Variants in CADM2 observed in about 807,000 individuals in gnomAD.
CADM2 encodes immunoglobulin superfamily member 4D.
Under a neutral mutation model 49.8 loss-of-function variants are expected in CADM2, and 12 were observed. The ratio of observed to expected loss-of-function variants is 0.24; its 90% confidence interval spans 0.15 to 0.39. The LOEUF (loss-of-function observed/expected upper bound fraction) is 0.39. Ranked by LOEUF, CADM2 falls within the 10% of genes least tolerant of loss-of-function variation. CADM2 has a pLI of 1.00. For missense variants in CADM2, 378 were observed against 492.3 expected (o/e 0.77, Z 2.20); for synonymous variants, 214 against 175.4 (o/e 1.22, Z -1.74).
intron 1 of CADM2, among the ~76,000 whole-genome samples, chr3:85,102,418 T>C (rs1231481088): frequency 1.3e-5 from 2 of 152,170 alleles, no homozygotes; most frequent in African/African-American, 4.8e-5. Context: ...TAGAAAAAGA[T>C]TTTGATGTTT....
intron 1 of CADM2, among the ~76,000 whole-genome samples, chr3:85,526,725 A>C (rs2061166357): frequency 6.6e-6 from 1 of 152,194 alleles, no homozygotes. Flanking sequence ...CTCTACTAAA[A>C]TGGGTTAGAT....
chr3:85,466,816 A>C (rs1484965387), intron 1 of CADM2, among the ~76,000 whole-genome samples: 1 of 151,992 alleles, frequency 6.6e-6, no homozygotes. Flanking sequence ...CAGCTGATAG[A>C]AAATATTTTC....
intron 3 of CADM2, among the ~76,000 whole-genome samples, chr3:85,835,456 A>G (rs1447538778): frequency 6.6e-6 from 1 of 151,110 alleles, no homozygotes; most frequent in African/African-American, 2.4e-5. Context: ...AAGCTTTGCT[A>G]TGTACTGAGT....
chr3:84,983,979 G>A (rs186357991), intron 1 of CADM2, among the ~76,000 whole-genome samples: 50 of 151,220 alleles, frequency 3.3e-4, no homozygotes, highest in African/African-American at 1.2e-3. Context: ...AAGATGCCCA[G>A]TATTTTAAAT....
chr3:85,803,524 G>T (rs1259238019), intron 3 of CADM2, among the ~76,000 whole-genome samples: 1 of 152,070 alleles, frequency 6.6e-6, no homozygotes, highest in Non-Finnish European at 1.5e-5. Flanking sequence ...TAGATAGATA[G>T]ATAGATAGAT....
intron 1 of CADM2, among the ~76,000 whole-genome samples, chr3:85,401,512 G>A (rs1274050540): frequency 6.6e-6 from 1 of 152,116 alleles, no homozygotes; most frequent in Non-Finnish European, 1.5e-5. Context: ...GAGGAAAGGA[G>A]CAGGGGTCAC....
At chr3:85,152,420 C>G (rs144382257) in intron 1 of CADM2, among the ~76,000 whole-genome samples, 1 of 152,118 alleles carries the variant, frequency 6.6e-6, no homozygotes, top group East Asian at 1.9e-4. Context: ...CTTACTGTGT[C>G]GGTGCTGACT....
chr3:85,747,071 A>C (rs1163578805), intron 2 of CADM2, among the ~76,000 whole-genome samples: 1 of 152,144 alleles, frequency 6.6e-6, no homozygotes, highest in Non-Finnish European at 1.5e-5. Context: ...TAAGAAAAAT[A>C]TGTAATAATA....
intron 2 of CADM2, among the ~76,000 whole-genome samples, chr3:85,753,769 G>A (rs1320919339): frequency 1.3e-5 from 2 of 152,126 alleles, no homozygotes; most frequent in African/African-American, 4.8e-5. Flanking sequence ...GTTAGTGGCC[G>A]CGAACTCGTA....
At chr3:85,217,942 T>G (rs914975929) in intron 1 of CADM2, among the ~76,000 whole-genome samples, 1 of 152,122 alleles carries the variant, frequency 6.6e-6, no homozygotes, top group East Asian at 1.9e-4. Flanking sequence ...TTATTCTCTT[T>G]AAATAACTTT....
At chr3:85,299,981 A>G (rs942114687) in intron 1 of CADM2, among the ~76,000 whole-genome samples, 7 of 152,082 alleles carry the variant, frequency 4.6e-5, no homozygotes, top group African/African-American at 7.2e-5. Flanking sequence ...CTCAACACCA[A>G]TTACTAGATT....
intron 1 of CADM2, among the ~76,000 whole-genome samples, chr3:85,150,750 GA>G (rs550767552): frequency 4.0e-4 from 59 of 149,318 alleles, no homozygotes; most frequent in African/African-American, 1.4e-3. Flanking sequence ...AAAAAAAAAG[GA>G]AAAAAAAATT....
intron 1 of CADM2, among the ~76,000 whole-genome samples, chr3:85,723,691 G>A (rs2067588500): frequency 6.6e-6 from 1 of 151,976 alleles, no homozygotes; most frequent in Admixed American, 6.6e-5. Context: ...TTTGAGAATT[G>A]TCAGTAACTT....
chr3:85,175,350 A>G (rs2040750693), intron 1 of CADM2, among the ~76,000 whole-genome samples: 1 of 152,220 alleles, frequency 6.6e-6, no homozygotes, highest in African/African-American at 2.4e-5. Flanking sequence ...AAAAGGTGGA[A>G]GCAACCTAAG....
intron 1 of CADM2, among the ~76,000 whole-genome samples, chr3:85,162,954 A>G (rs761317670): frequency 1.3e-5 from 2 of 152,082 alleles, no homozygotes; most frequent in Non-Finnish European, 2.9e-5. Context: ...ATATATATAT[A>G]TATGACTATT....
At chr3:85,962,015 C>T (rs1479126997) in intron 8 of CADM2, among the ~76,000 whole-genome samples, 1 of 151,840 alleles carries the variant, frequency 6.6e-6, no homozygotes, top group Non-Finnish European at 1.5e-5. Flanking sequence ...CAGCTCATTG[C>T]AGTCTCCACC....
intron 1 of CADM2, among the ~76,000 whole-genome samples, chr3:85,723,241 T>G (rs192754886): frequency 2.0e-5 from 3 of 152,188 alleles, no homozygotes; most frequent in Non-Finnish European, 2.9e-5. Context: ...AATTTGCTGC[T>G]TTTATTATAA....
chr3:85,888,136 C>T (rs936891081), intron 5 of CADM2, among the ~76,000 whole-genome samples: 1 of 152,112 alleles, frequency 6.6e-6, no homozygotes, highest in African/African-American at 2.4e-5. Context: ...TTACTCAGTT[C>T]TCACTTTCTT....
chr3:85,328,529 A>G (rs2107138939), intron 1 of CADM2, among the ~76,000 whole-genome samples: 1 of 152,242 alleles, frequency 6.6e-6, no homozygotes, highest in Admixed American at 6.5e-5. Flanking sequence ...CATGTTTCCA[A>G]TTTGCGCTGG....
Sources: gnomAD v4.1 joint callset for allele counts (sites outside exome capture counted in the v4.1 genomes callset) on GRCh38, gnomAD v4.1.1 for gene constraint, MANE v1.5 for transcripts, NCBI Gene and HGNC (gene_info 2026-07-23, HGNC 2026-07-21) for gene names.